Variants in PHF19 observed in about 807,000 individuals in gnomAD.
PHF19 encodes the protein polycomb like 3.
PHF19 carries 21 observed loss-of-function variants against 79.8 expected under a neutral mutation model. The ratio of observed to expected loss-of-function variants is 0.26; its 90% confidence interval spans 0.19 to 0.38. The LOEUF is 0.38. Ranked by LOEUF, PHF19 falls within the 10% of genes least tolerant of loss-of-function variation. The pLI, the probability that PHF19 is intolerant of heterozygous loss-of-function variation, is 1.00. For missense variants in PHF19, 445 were observed against 744.2 expected, an observed-to-expected ratio of 0.60 and a Z score of 4.68; for synonymous variants, 273 against 296.3, an observed-to-expected ratio of 0.92 and a Z score of 0.81.
chr9:120,877,336 C>T, upstream of PHF19: 1 of 981,322 alleles, frequency 1.0e-6, no homozygotes, highest in East Asian at 1.1e-4. Flanking sequence ...TTCGCGTTTT[C>T]CCGCGAATTA....
chr9:120,901,526 C>T, the PHF19 span, among the ~76,000 whole-genome samples: 6 of 152,180 alleles, frequency 3.9e-5, no homozygotes, highest in Non-Finnish European at 8.8e-5. Flanking sequence ...CCAGTCCCAT[C>T]CCTGCCTCCT....
Position 120,862,593 on chromosome 9 carries a change from C to T in PHF19, c.1125G>A (p.Lys375=). 1.9e-6 allele frequency: 3 copies of T among 1,613,366 alleles called. No homozygotes were observed. Among genetic ancestry groups the T allele is most frequent in the Non-Finnish European group, 2.5e-6 (3 of 1,179,892 alleles). The stretch of plus-strand genomic sequence containing the variant: ...CTGGGTCCCCGAGCACTGACCCAGG[C>T]TTGCTCTTTCCTCTCTTACGCAGCT... ...SSELRKRGKS[K]PGLLPHEFQQ... The change falls in exon 11 of 15, where the codon AAG becomes AAA. Residue 375 remains lysine (K), a synonymous_variant. Transcript: ENST00000373896. This position sits in a 1 kb window ranked among gnomAD's most constrained non-coding sequence, Gnocchi z 4.6.
rs1288997957 is a variant in PHF19 at position 120,856,825 on chromosome 9, AAAG to A, written c.*1116_*1118del. 2 of 152,842 alleles carry A rather than the reference AAAG, an allele frequency of 1.3e-5. No homozygotes were observed. Among genetic ancestry groups the A allele is most frequent in the South Asian group, 4.1e-4 (2 of 4,826 alleles). 9.5% of individuals were successfully genotyped at this position (152,842 alleles called of 1,614,324 possible). ...GGGACCAATGCTGGTTGATGGGCTGAAAGAAGGAGCGGCCACTGAGCTTTCACA... is the reference window on the plus strand; with the variant it reads ...GGGACCAATGCTGGTTGATGGGCTGAAAGGAGCGGCCACTGAGCTTTCACA... On this transcript the variant is annotated 3_prime_UTR_variant, in exon 15 of 15. Coordinates refer to ENST00000373896, the MANE Select transcript of PHF19 (RefSeq NM_015651.3).
At chr9:120,899,535 A>G (rs2046424391), upstream of PHF19, among the ~76,000 whole-genome samples, 1 of 152,038 alleles carries the variant, frequency 6.6e-6, no homozygotes, top group Non-Finnish European at 1.5e-5. Context: ...TGTTATTCTT[A>G]CACTGGCACC....
rs77359693 is a variant in PHF19, at chr9:120,862,325, C to A, written c.1130+263G>T. Among the ~76,000 whole-genome samples, 520 of 152,330 alleles carry A rather than the reference C, an allele frequency of 3.4e-3. 1 individual carries two copies. The highest frequency in any genetic ancestry group is 0.012 in the African/African-American group (482 of 41,574). On this transcript the variant is annotated intron_variant, in intron 11 of 14. Transcript: ENST00000373896. The surrounding 1 kb of genome is among the most constrained non-coding windows in gnomAD (Gnocchi z 4.6). ...AGAGAGGGACCCCTCACACACCCTG[C>A]CTTCCCCTTCACCTCCTTGCCCAAG...
At chr9:120,900,328 A>T in the PHF19 span, among the ~76,000 whole-genome samples, 1 of 152,226 alleles carries the variant, frequency 6.6e-6, no homozygotes, top group Non-Finnish European at 1.5e-5. Context: ...GCCTGGAAGA[A>T]GGGGCTAATG....
chr9:120,893,229 G>A (rs867080813), intron 1 of PHF19, among the ~76,000 whole-genome samples: 1 of 152,214 alleles, frequency 6.6e-6, no homozygotes, highest in Non-Finnish European at 1.5e-5. Context: ...GAGTGAGGAC[G>A]CTCTCCCTTT....
chr9:120,863,254 G>A (rs2045590322), intron 10 of PHF19, among the ~76,000 whole-genome samples: 1 of 150,482 alleles, frequency 6.6e-6, no homozygotes, highest in African/African-American at 2.4e-5. Flanking sequence ...GTGGCCTCTT[G>A]TACTGAAGAG....
Position 120,858,143 on chromosome 9 carries a change from T to C in PHF19, c.1544A>G (p.Glu515Gly). 2 of 1,613,770 alleles carry C rather than the reference T, an allele frequency of 1.2e-6. No homozygotes were observed. The highest frequency in any genetic ancestry group is 1.7e-6 in the Non-Finnish European group (2 of 1,179,658). Residue 515 changes from glutamate (E) to glycine (G), a missense_variant, in exon 15 of 15, where the codon GAA becomes GGA. Glu to Gly is a moderately conservative substitution (Grantham distance 98). Around this residue, in one of 5 missense-constraint regions of PHF19, gnomAD observed 125 missense variants for 180.5 expected, o/e 0.69. Transcript: ENST00000373896. ...EGASVPERPD[E>G]GIDSHTFESI... The stretch of plus-strand genomic sequence containing the variant: ...CTCAAATGTGTGGCTGTCAATGCCT[T>C]CGTCTGGCCGCTCGGGGACTGAAGC...
At chr9:120,889,198 C>T (rs563774777) in intron 1 of PHF19, among the ~76,000 whole-genome samples, 25 of 152,186 alleles carry the variant, frequency 1.6e-4, no homozygotes, top group African/African-American at 7.2e-5. Flanking sequence ...GAGGCTGAGG[C>T]GGGCGGATCA....
At chr9:120,861,868 T>G (rs1392272041) in intron 12 of PHF19, 50 bp downstream of exon 12, 1 of 1,292,330 alleles carries the variant, frequency 7.7e-7, no homozygotes, top group East Asian at 2.3e-5. Flanking sequence ...AGCCCTAATA[T>G]GTGCTGACCC....
At position 120,860,350 on chromosome 9, in the gene PHF19, CT is replaced by C. The variant is rs2131482686; in HGVS notation, c.1305-166del. 1.7e-6 allele frequency: 1 copy of C among 591,682 alleles called. No homozygotes were observed. The highest frequency in any genetic ancestry group is 2.9e-5 in the East Asian group (1 of 34,696). 36.7% of individuals were successfully genotyped at this position (591,682 alleles called of 1,614,324 possible). ...CCTGTCTGTTTCCTACCCAGCCACC[CT>C]TCAAAGTCCAAGAAGTCAAAAAAAC... On this transcript the variant is annotated intron_variant, in intron 13 of 14. Coordinates refer to ENST00000373896, the MANE Select transcript of PHF19 (RefSeq NM_015651.3). This position sits in a 1 kb window ranked among gnomAD's most constrained non-coding sequence, Gnocchi z 4.1.
chr9:120,896,437 CTTTT>C (rs58824573), upstream of PHF19, among the ~76,000 whole-genome samples: 1 of 124,040 alleles, frequency 8.1e-6, no homozygotes, highest in African/African-American at 3.0e-5. Flanking sequence ...TTGTATGGTT[CTTTT>C]TTTTTTTTTC....
chr9:120,887,661 C>G (rs2046286075), intron 1 of PHF19, among the ~76,000 whole-genome samples: 1 of 150,082 alleles, frequency 6.7e-6, no homozygotes, highest in Non-Finnish European at 1.5e-5. Context: ...CAGACACACA[C>G]ACACACACAC....
chr9:120,863,401 C>T (rs759287107), intron 10 of PHF19, among the ~76,000 whole-genome samples: 8 of 151,708 alleles, frequency 5.3e-5, no homozygotes, highest in Non-Finnish European at 1.0e-4. Context: ...CAGACAGGCC[C>T]GACATAGAAC....
Position 120,870,046 on chromosome 9 carries a change from G to A in PHF19, c.365-101C>T. On this transcript the variant is annotated intron_variant, in intron 4 of 14. Transcript: ENST00000373896. The surrounding 1 kb of genome is among the most constrained non-coding windows in gnomAD (Gnocchi z 4.4). ...GCTGGGAGGGCTGAGGGAAGTCCTAGGAGCTCTGCCTGCCAGCTGCCGGGA... is the reference window on the plus strand; with the variant it reads ...GCTGGGAGGGCTGAGGGAAGTCCTAAGAGCTCTGCCTGCCAGCTGCCGGGA... The A allele has an allele frequency of 6.7e-7, 1 of 1,482,050 alleles. No individual in the cohort carries two copies. Among genetic ancestry groups the A allele is most frequent in the Non-Finnish European group, 9.0e-7 (1 of 1,112,274 alleles). 91.8% of individuals were successfully genotyped at this position (1,482,050 alleles called of 1,614,324 possible). A position where few individuals can be genotyped will look rare whatever the true frequency, so the allele number is the denominator to read the frequency against.
At chr9:120,877,199 G>C (rs1345868953), upstream of PHF19, 9 of 982,816 alleles carry the variant, frequency 9.2e-6, no homozygotes, top group Non-Finnish European at 9.7e-6. Flanking sequence ...GTCCGCCCGT[G>C]GGGCCGGGGT....
upstream of PHF19, among the ~76,000 whole-genome samples, chr9:120,881,831 G>A (rs922137254): frequency 1.3e-4 from 20 of 152,142 alleles, 1 homozygote; most frequent in Admixed American, 4.6e-4. Flanking sequence ...GCACGATCTC[G>A]GCTCACTGCA....
Position 120,860,292 on chromosome 9 carries a change from C to G in PHF19, c.1305-107G>C, listed in dbSNP as rs887555896. On this transcript the variant is annotated intron_variant, in intron 13 of 14. Transcript: ENST00000373896. This position sits in a 1 kb window ranked among gnomAD's most constrained non-coding sequence, Gnocchi z 4.1. ...TGCATCCTTCATCCCAGTGGAGGCC[C>G]GTCTTCCCACAGCTGAGCTTCCCAC... is the stretch of plus-strand genomic sequence containing the variant. 4 of 672,432 alleles carry G rather than the reference C, an allele frequency of 5.9e-6. No individual in the cohort carries two copies. In the African/African-American group the frequency reaches 7.1e-5, roughly 12 times the overall value. 41.7% of individuals were successfully genotyped at this position (672,432 alleles called of 1,614,324 possible). A position where few individuals can be genotyped will look rare whatever the true frequency, so the allele number is the denominator to read the frequency against.
Sources: allele counts gnomAD v4.1 joint callset (sites outside exome capture counted in the v4.1 genomes callset), GRCh38; gene constraint gnomAD v4.1.1; regional missense constraint gnomAD v4.1.1; non-coding constraint Gnocchi (gnomAD v3.1); transcripts MANE v1.5; gene names NCBI Gene and HGNC (gene_info 2026-07-23, HGNC 2026-07-21).